Variants in MYH13 observed in about 807,000 individuals in gnomAD.
The protein encoded by MYH13 is myosin-13.
Under a neutral mutation model 232.1 loss-of-function variants are expected in MYH13, and 177 were observed. The observed-to-expected ratio is 0.76, with a 90% CI of 0.67 to 0.86. The LOEUF is 0.86. MYH13 is among the 40% of genes least tolerant of loss of function. MYH13 has a pLI of 0.00. For missense variants in MYH13, 2,246 were observed against 2,405.9 expected (o/e 0.93, Z 1.39); for synonymous variants, 884 against 923.5 (o/e 0.96, Z 0.78).
Position 10,357,734 on chromosome 17 carries a change from C to G in MYH13, c.738+1G>C, listed in dbSNP as rs774841296. On this transcript the variant is annotated splice_donor_variant, in intron 8 of 40. Transcript: ENST00000252172. LOFTEE classifies it high-confidence loss of function. ...TACTTGAAAATTGGGCCGGATCTTA[C>G]AAATCTTGAGGAGTTGTCATTCCTC... 25 of 1,613,158 alleles carry G rather than the reference C, an allele frequency of 1.5e-5. No homozygotes were observed. The highest frequency in any genetic ancestry group is 1.9e-5 in the Non-Finnish European group (23 of 1,179,526).
Position 10,304,653 on chromosome 17 carries a change from T to A in MYH13, c.5467-1155A>T, listed in dbSNP as rs1049263399. Among the ~76,000 whole-genome samples the A allele has an allele frequency of 6.6e-6, 1 of 152,216 alleles. No individual in the cohort carries two copies. The highest frequency in any genetic ancestry group is 2.4e-5 in the African/African-American group (1 of 41,464). On this transcript the variant is annotated intron_variant, in intron 37 of 40. Transcript: ENST00000252172. The surrounding 1 kb of genome is among the most constrained non-coding windows in gnomAD (Gnocchi z 5.3). The stretch of plus-strand genomic sequence containing the variant: ...GCCCACTTGATAGACCCAAAGCAAG[T>A]CAGTCGCCACCACTGAGCATGAGTT...
chr17:10,362,804 A>G (rs2071804475), intron 3 of MYH13, among the ~76,000 whole-genome samples: 1 of 152,036 alleles, frequency 6.6e-6, no homozygotes, highest in African/African-American at 2.4e-5. Context: ...TGTTTACCCT[A>G]TTTGTTGTGA....
At chr17:10,324,549 G>A (rs963486287) in intron 22 of MYH13, among the ~76,000 whole-genome samples, 3 of 151,984 alleles carry the variant, frequency 2.0e-5, no homozygotes, top group African/African-American at 4.8e-5. Flanking sequence ...AGGTTCTAGC[G>A]ATTCCCTGCC....
rs1469808301 is a variant in MYH13, at chr17:10,362,198, G to T, written c.425C>A (p.Ala142Asp). 6.2e-7 allele frequency: 1 copy of T among 1,613,834 alleles called. No homozygotes were observed. The highest frequency in any genetic ancestry group is 1.3e-5 in the African/African-American group (1 of 74,916). Reference protein sequence around the residue: ...LPVYKPEVVAAYRGKKRQEAP... With the variant: ...LPVYKPEVVADYRGKKRQEAP... ...CTCCTGGCGCTTTTTGCCTCTGTAG[G>T]CAGCCACCACCTCGGGCTTGTACAC... Residue 142 changes from alanine (A) to aspartate (D), a missense_variant, in exon 5 of 41, where the codon GCC (alanine) becomes GAC (aspartate). Physicochemically the swap from Ala to Asp is moderately radical, Grantham distance 126. Transcript: ENST00000252172.
intron 22 of MYH13, among the ~76,000 whole-genome samples, chr17:10,325,835 C>T (rs537896706): frequency 3.0e-4 from 45 of 152,286 alleles, no homozygotes; most frequent in African/African-American, 1.0e-3. Context: ...CACCACCATG[C>T]CCAGCTAATT....
At chr17:10,324,754 A>ATTTTTTTTTTTT (rs1907137100) in intron 22 of MYH13, 2 of 48,994 alleles carry the variant, frequency 4.1e-5, no homozygotes, top group African/African-American at 1.6e-4. Flanking sequence ...GTCCATATAC[A>ATTTTTTTTTTTT]TGTTTTTTTT....
In MYH13 at chr17:10,315,931, T is replaced by C; in HGVS notation, c.3833A>G (p.Asn1278Ser). ...GGTCTGCAGTCTTGCTTTCTGCATG[T>C]TCAGATCATGGATCAACTGTGTCTG... is the stretch of plus-strand genomic sequence containing the variant. ...EQQTQLIHDL[N>S]MQKARLQTQN... is the part of the protein sequence containing the mutation. Residue 1278 changes from asparagine (N) to serine (S), a missense_variant, in exon 28 of 41, where the codon AAC becomes AGC. Transcript: ENST00000252172. 1 of 1,614,012 alleles carries C rather than the reference T, an allele frequency of 6.2e-7. No homozygotes were observed. Among genetic ancestry groups the C allele is most frequent in the Non-Finnish European group, 8.5e-7 (1 of 1,179,900 alleles).
At chr17:10,338,926 C>T (rs1368891192) in intron 18 of MYH13, among the ~76,000 whole-genome samples, 1 of 152,140 alleles carries the variant, frequency 6.6e-6, no homozygotes, top group Non-Finnish European at 1.5e-5. Flanking sequence ...TGGTCTCGAT[C>T]TCCTGACCTC....
chr17:10,303,465 G>C lies in MYH13; in HGVS notation c.5500C>G (p.Gln1834Glu). Residue 1834 changes from glutamine (Q) to glutamate (E), a missense_variant, in exon 38 of 41, where the codon CAG becomes GAG. Transcript: ENST00000252172. ...TTCAGGGCTTCAGCTCCCCTCTTCTGTTCCACATCAAGCTCATTTTCCAGC... is the reference window on the plus strand; with the variant it reads ...TTCAGGGCTTCAGCTCCCCTCTTCTCTTCCACATCAAGCTCATTTTCCAGC... ...RELENELDVE[Q>E]KRGAEALKGA... 1 of 1,613,954 alleles carries C rather than the reference G, an allele frequency of 6.2e-7. No homozygotes were observed. Among genetic ancestry groups the C allele is most frequent in the Non-Finnish European group, 8.5e-7 (1 of 1,179,874 alleles).
chr17:10,309,498 C>T (rs1389504437), intron 34 of MYH13, 24 bp downstream of exon 34: 1 of 1,601,314 alleles, frequency 6.2e-7, no homozygotes, highest in South Asian at 1.1e-5. Context: ...CGTCCAGGTA[C>T]GCAGAGGCGG....
chr17:10,308,159 T>C (rs1906355565), intron 35 of MYH13, among the ~76,000 whole-genome samples: 1 of 151,990 alleles, frequency 6.6e-6, no homozygotes, highest in East Asian at 1.9e-4. Flanking sequence ...ACCCCGTCTC[T>C]ACAAAAATAC....
At chr17:10,363,369 T>C (rs1263860018) in intron 3 of MYH13, among the ~76,000 whole-genome samples, 2 of 150,920 alleles carry the variant, frequency 1.3e-5, no homozygotes, top group African/African-American at 4.9e-5. Context: ...CTTGTAATAC[T>C]TCCTGGATTT....
At chr17:10,348,867 T>C (rs2071687873) in intron 12 of MYH13, among the ~76,000 whole-genome samples, 1 of 152,146 alleles carries the variant, frequency 6.6e-6, no homozygotes, top group South Asian at 2.1e-4. Flanking sequence ...CAAAAATTGT[T>C]ACTTTAAAAT....
rs776815725 is a variant in MYH13 at position 10,321,726 on chromosome 17, C to T, written c.2935-18G>A. 18 of 1,596,054 alleles carry T rather than the reference C, an allele frequency of 1.1e-5. No homozygotes were observed. Among genetic ancestry groups the T allele is most frequent in the Admixed American group, 5.2e-5 (3 of 57,812 alleles). On this transcript the variant is annotated intron_variant, in intron 23 of 40. Coordinates refer to ENST00000252172, the MANE Select transcript of MYH13 (RefSeq NM_003802.3). ...TTCTTTACCTGGGACAATATTAACACCGATTTAATATGGAAACGATTATGC... is the reference window on the plus strand; with the variant it reads ...TTCTTTACCTGGGACAATATTAACATCGATTTAATATGGAAACGATTATGC...
chr17:10,364,474 T>C lies in MYH13; in HGVS notation c.57A>G (p.Lys19=), dbSNP rs1452546453. The change falls in exon 3 of 41, where the codon AAA becomes AAG. Residue 19 remains lysine (K), a synonymous_variant. Coordinates refer to ENST00000252172, the MANE Select transcript of MYH13 (RefSeq NM_003802.3). Reference sequence around the variant, plus strand: ...GAGCCTCGATTCTCTCCTTCTCTGGTTTCCGGAGGTAGGGAGCTGCTTCTC... The same window carrying C: ...GAGCCTCGATTCTCTCCTTCTCTGGCTTCCGGAGGTAGGGAGCTGCTTCTC... ...IFGEAAPYLR[K]PEKERIEAQN... 1 of 1,611,634 alleles carries C rather than the reference T, an allele frequency of 6.2e-7. No individual in the cohort carries two copies. The highest frequency in any genetic ancestry group is 1.7e-5 in the Admixed American group (1 of 59,732).
Position 10,311,147 on chromosome 17 carries a change from C to T in MYH13, c.4612G>A (p.Glu1538Lys), listed in dbSNP as rs1597884520. 1 of 1,614,036 alleles carries T rather than the reference C, an allele frequency of 6.2e-7. No homozygotes were observed. The highest frequency in any genetic ancestry group is 8.5e-7 in the Non-Finnish European group (1 of 1,179,894). The change falls in exon 33 of 41, where the codon GAG becomes AAG. Residue 1538 changes from glutamate (E) to lysine (K), a missense_variant. By Grantham distance (56) the Glu-to-Lys change is moderately conservative. Coordinates refer to ENST00000252172, the MANE Select transcript of MYH13 (RefSeq NM_003802.3). ...ACCTGCAGATCTGACTTTTCCTGCTCCACTAGCTTCTTGGTCTTTTCCGCT... is the reference window on the plus strand; with the variant it reads ...ACCTGCAGATCTGACTTTTCCTGCTTCACTAGCTTCTTGGTCTTTTCCGCT... The part of the protein sequence containing the change: ...QEAEKTKKLV[E>K]QEKSDLQVAL...
At chr17:10,351,452 G>A (rs1319859730) in intron 11 of MYH13, among the ~76,000 whole-genome samples, 1 of 152,102 alleles carries the variant, frequency 6.6e-6, no homozygotes, top group East Asian at 1.9e-4. Flanking sequence ...TATTAGATCT[G>A]GAAGGGAAGA....
At chr17:10,328,169 C>T (rs1170775468) in intron 21 of MYH13, 48 bp from the exon 22 acceptor site, 1 of 1,598,932 alleles carries the variant, frequency 6.3e-7, no homozygotes, top group East Asian at 2.3e-5. Context: ...AAGGTCTGGT[C>T]TCTGCACCCC....
At chr17:10,326,907 C>T (rs887518774) in intron 22 of MYH13, among the ~76,000 whole-genome samples, 25 of 146,860 alleles carry the variant, frequency 1.7e-4, no homozygotes, top group Non-Finnish European at 3.1e-4. Flanking sequence ...CCTCGACTAC[C>T]TGGGCTCAGG....
Sources: gnomAD v4.1 joint callset for allele counts (sites outside exome capture counted in the v4.1 genomes callset) on GRCh38, gnomAD v4.1.1 for gene constraint, Gnocchi (gnomAD v3.1) non-coding constraint, MANE v1.5 for transcripts, NCBI Gene and HGNC (gene_info 2026-07-23, HGNC 2026-07-21) for gene names.